HIVEP2: variants seen among roughly 807,000 people sequenced by gnomAD.
HIVEP2 encodes HIVEP zinc finger 2, also known as transcription factor HIVEP2.
HIVEP2 carries 14 observed loss-of-function variants against 180.7 expected under a neutral mutation model. The observed-to-expected ratio is 0.08, with a 90% confidence interval of 0.05 to 0.12. The LOEUF is 0.12. Ranked by LOEUF, HIVEP2 falls within the 10% of genes least tolerant of loss-of-function variation. The probability of loss-of-function intolerance (pLI) is 1.00; values close to 1 mark genes in which losing one functional copy is unlikely to be tolerated. For missense variants in HIVEP2, 2,579 were observed against 3,008.5 expected, an observed-to-expected ratio of 0.86 and a Z score of 3.34; for synonymous variants, 1,184 against 1,136.4, an observed-to-expected ratio of 1.04 and a Z score of -0.84.
intron 2 of HIVEP2, among the ~76,000 whole-genome samples, chr6:142,819,803 T>C (rs1193125455): frequency 6.6e-6 from 1 of 152,100 alleles, no homozygotes; most frequent in Admixed American, 6.5e-5. Flanking sequence ...AAAAATAAAA[T>C]TAGATAGGTG....
intron 2 of HIVEP2, among the ~76,000 whole-genome samples, chr6:142,819,848 C>T (rs1445760263): frequency 6.6e-6 from 1 of 152,218 alleles, no homozygotes; most frequent in Non-Finnish European, 1.5e-5. Flanking sequence ...GTTCCACTTT[C>T]TGGCTCCCAA....
chr6:142,932,477 A>C (rs1777963297), intron 1 of HIVEP2, among the ~76,000 whole-genome samples: 1 of 152,344 alleles, frequency 6.6e-6, no homozygotes, highest in African/African-American at 2.4e-5. Context: ...TTATTAAAAA[A>C]AACTCAGCCT....
At chr6:142,825,545 G>A (rs983223218) in intron 2 of HIVEP2, among the ~76,000 whole-genome samples, 1 of 152,104 alleles carries the variant, frequency 6.6e-6, no homozygotes, top group Non-Finnish European at 1.5e-5. Flanking sequence ...TTAAGGTTTT[G>A]ATAATATTAG....
At chr6:142,894,234 A>G (rs1776929435) in intron 1 of HIVEP2, among the ~76,000 whole-genome samples, 1 of 152,324 alleles carries the variant, frequency 6.6e-6, no homozygotes, top group East Asian at 1.9e-4. Flanking sequence ...ATCTGCTACA[A>G]TCTATAATAT....
At chr6:142,775,711 T>C (rs1025114108) in intron 4 of HIVEP2, among the ~76,000 whole-genome samples, 1 of 151,994 alleles carries the variant, frequency 6.6e-6, no homozygotes, top group Non-Finnish European at 1.5e-5. Flanking sequence ...GGCATGCACC[T>C]GTAGTCCCAG....
chr6:142,900,574 T>C (rs973648525), intron 1 of HIVEP2, among the ~76,000 whole-genome samples: 2 of 152,180 alleles, frequency 1.3e-5, no homozygotes, highest in Non-Finnish European at 2.9e-5. Context: ...AGCAGCCAAG[T>C]GCCCCCCTGA....
intron 1 of HIVEP2, among the ~76,000 whole-genome samples, chr6:142,928,071 C>A (rs559801119): frequency 4.5e-4 from 68 of 152,310 alleles, no homozygotes; most frequent in African/African-American, 1.6e-3. Flanking sequence ...ACAATGTAAA[C>A]TATGGACCTG....
chr6:142,758,262 T>C (rs186644400), intron 9 of HIVEP2, among the ~76,000 whole-genome samples: 3 of 152,346 alleles, frequency 2.0e-5, no homozygotes, highest in Admixed American at 1.3e-4. Flanking sequence ...TTGCTATATA[T>C]GTTTCTGCAG....
chr6:142,889,306 A>T (rs1482913079), intron 1 of HIVEP2, among the ~76,000 whole-genome samples: 1 of 152,178 alleles, frequency 6.6e-6, no homozygotes, highest in East Asian at 1.9e-4. Context: ...CCCTGTCTCT[A>T]CAAAATATTA....
At chr6:142,793,648 CTT>C (rs1345352201) in intron 2 of HIVEP2, among the ~76,000 whole-genome samples, 1 of 37,208 alleles carries the variant, frequency 2.7e-5, no homozygotes. Flanking sequence ...TTCTTTCTTT[CTT>C]TCTTTCTTTT....
intron 1 of HIVEP2, among the ~76,000 whole-genome samples, chr6:142,885,567 G>T (rs948699086): frequency 3.3e-5 from 5 of 152,044 alleles, no homozygotes; most frequent in African/African-American, 7.3e-5. Flanking sequence ...TGATGGAAGC[G>T]AGTCACCAGA....
At chr6:142,760,760 C>T in intron 8 of HIVEP2, 93 bp from the exon 9 acceptor site, 1 of 911,180 alleles carries the variant, frequency 1.1e-6, no homozygotes, top group South Asian at 1.8e-5. Context: ...ACGCTTTTCC[C>T]AATCCCTAGT....
At chr6:142,813,941 A>G (rs1229247572) in intron 2 of HIVEP2, among the ~76,000 whole-genome samples, 1 of 151,904 alleles carries the variant, frequency 6.6e-6, no homozygotes, top group Non-Finnish European at 1.5e-5. Context: ...TAGCAGATCC[A>G]TGCTGGTCAC....
Position 142,768,295 on chromosome 6 carries a change from T to G in HIVEP2, c.5342+87A>C. On this transcript the variant is annotated intron_variant, in intron 6 of 9. Coordinates refer to ENST00000367603, the MANE Select transcript of HIVEP2 (RefSeq NM_006734.4). ...ATTTACTTTCAGCTTTCAACCAGAT[T>G]AGACAGTACCTTTTCCATGCAGACA... The G allele has an allele frequency of 9.5e-6, 12 of 1,262,186 alleles. No individual in the cohort carries two copies. In the South Asian group the frequency reaches 1.2e-4, roughly 12 times the overall value. The allele number at this position is 1,262,186 out of a possible 1,614,324, so 78.2% of individuals were successfully genotyped here. A position where few individuals can be genotyped will look rare whatever the true frequency, so the allele number is the denominator to read the frequency against.
At position 142,773,593 on chromosome 6, in the gene HIVEP2, C is replaced by T; in HGVS notation, c.1146G>A (p.Glu382=). 1 of 1,614,214 alleles carries T rather than the reference C, an allele frequency of 6.2e-7. No homozygotes were observed. Among genetic ancestry groups the T allele is most frequent in the Non-Finnish European group, 8.5e-7 (1 of 1,180,038 alleles). Residue 382 remains glutamate (E), a synonymous_variant, in exon 5 of 10, where the codon GAG becomes GAA. Coordinates refer to ENST00000367603, the MANE Select transcript of HIVEP2 (RefSeq NM_006734.4). Reference sequence around the variant, plus strand: ...GCGGGCTCAGAAGGTTGAGCGATGGCTCAGAATCTTGTCCTTTTTTCTCTG... The same window carrying T: ...GCGGGCTCAGAAGGTTGAGCGATGGTTCAGAATCTTGTCCTTTTTTCTCTG... ...RLSEKKGQDS[E]PSLNLLSPHS... is the part of the protein sequence containing the mutation.
intron 1 of HIVEP2, among the ~76,000 whole-genome samples, chr6:142,920,148 T>A (rs1329604584): frequency 6.6e-6 from 1 of 152,206 alleles, no homozygotes; most frequent in East Asian, 1.9e-4. Context: ...TCATTTTATC[T>A]CCAAAGGTAA....
chr6:142,778,919 T>A (rs1775771787), intron 3 of HIVEP2, among the ~76,000 whole-genome samples: 1 of 152,136 alleles, frequency 6.6e-6, no homozygotes, highest in Non-Finnish European at 1.5e-5. Context: ...AGAATATAAA[T>A]GAGCTCTGCA....
chr6:142,931,147 G>A (rs1372047063), intron 1 of HIVEP2, among the ~76,000 whole-genome samples: 1 of 151,992 alleles, frequency 6.6e-6, no homozygotes, highest in Non-Finnish European at 1.5e-5. Context: ...AGTCATCTGT[G>A]CAGGAAAATT....
Position 142,771,838 on chromosome 6 carries a change from G to A in HIVEP2, c.2901C>T (p.Pro967=). Residue 967 remains proline, a synonymous_variant, in exon 5 of 10, where the codon CCC becomes CCT. Transcript: ENST00000367603. The surrounding 1 kb of genome is among the most constrained non-coding windows in gnomAD (Gnocchi z 5.4). ...TGTGGGACAAGTTGCTTTCTTGGCT[G>A]GGGCTGCGGGAGAGGCCTGTGCCTG... ...ESTGTGLSRS[P]SQESNLSHSS... is the part of the protein sequence containing the mutation. 6.2e-7 allele frequency: 1 copy of A among 1,614,214 alleles called. No individual in the cohort carries two copies. The highest frequency in any genetic ancestry group is 1.1e-5 in the South Asian group (1 of 91,086).
Sources: allele counts gnomAD v4.1 joint callset (sites outside exome capture counted in the v4.1 genomes callset), GRCh38; gene constraint gnomAD v4.1.1; non-coding constraint Gnocchi (gnomAD v3.1); transcripts MANE v1.5; gene names NCBI Gene and HGNC (gene_info 2026-07-23, HGNC 2026-07-21).